PRKCA: variants seen among roughly 807,000 people sequenced by gnomAD.
PRKCA encodes the protein protein kinase C alpha, also known as protein kinase C alpha type.
Under a neutral mutation model 87.0 loss-of-function variants are expected in PRKCA, and 27 were observed. The observed-to-expected ratio is 0.31, with a 90% confidence interval of 0.23 to 0.43. The LOEUF is 0.43. PRKCA is among the 20% of genes least tolerant of loss of function. The pLI is 1.00. For synonymous variants in PRKCA, 329 were observed against 311.1 expected, an observed-to-expected ratio of 1.06 and a Z score of -0.61; for missense variants, 518 against 852.3, an observed-to-expected ratio of 0.61 and a Z score of 4.88.
intron 9 of PRKCA, among the ~76,000 whole-genome samples, chr17:66,734,400 G>A (rs1022132528): frequency 2.6e-5 from 4 of 152,228 alleles, no homozygotes; most frequent in African/African-American, 9.6e-5. Context: ...TCCCAGAACT[G>A]AGGCTTCCTC....
chr17:66,701,016 C>T (rs1175186055), intron 8 of PRKCA, among the ~76,000 whole-genome samples: 1 of 151,984 alleles, frequency 6.6e-6, no homozygotes, highest in Non-Finnish European at 1.5e-5. Context: ...GCAAGAAGGA[C>T]GGAGGTATCA....
In PRKCA at chr17:66,688,948, A is replaced by G. The variant is rs1671344420; in HGVS notation, c.822-3A>G. 1 of 1,578,072 alleles carries G rather than the reference A, an allele frequency of 6.3e-7. No individual in the cohort carries two copies. Among genetic ancestry groups the G allele is most frequent in the Non-Finnish European group, 8.7e-7 (1 of 1,149,590 alleles). On this transcript the variant is annotated splice_region_variant and splice_polypyrimidine_tract_variant and intron_variant, in intron 7 of 16. Transcript: ENST00000413366. ...GTAACTCTTCTTCTCCCGTCCTTGA[A>G]AGGTACAAGTTGCTTAACCAAGAAG...
intron 8 of PRKCA, among the ~76,000 whole-genome samples, chr17:66,701,517 C>T (rs956793762): frequency 1.3e-5 from 2 of 152,032 alleles, no homozygotes; most frequent in African/African-American, 2.4e-5. Context: ...TAAAAGGCAA[C>T]CTGTGGAATA....
chr17:66,580,209 G>C (rs1169879236), intron 3 of PRKCA, among the ~76,000 whole-genome samples: 1 of 152,206 alleles, frequency 6.6e-6, no homozygotes, highest in Non-Finnish European at 1.5e-5. Context: ...TGGAGTACTA[G>C]TGGTCTGTTA....
chr17:66,433,944 C>T (rs1913235554), intron 2 of PRKCA, among the ~76,000 whole-genome samples: 1 of 152,148 alleles, frequency 6.6e-6, no homozygotes, highest in Non-Finnish European at 1.5e-5. Context: ...CAGTCTTCCT[C>T]ATTAGTAGGC....
At chr17:66,620,482 C>G (rs1181090021) in intron 3 of PRKCA, among the ~76,000 whole-genome samples, 1 of 152,168 alleles carries the variant, frequency 6.6e-6, no homozygotes, top group African/African-American at 2.4e-5. Context: ...ATCTGACTGG[C>G]CAGAGCTATG....
At chr17:66,429,747 T>A (rs1458019174) in intron 2 of PRKCA, among the ~76,000 whole-genome samples, 3 of 152,184 alleles carry the variant, frequency 2.0e-5, no homozygotes, top group African/African-American at 7.2e-5. Context: ...CTGCAAAATT[T>A]AGGCAAAGGT....
chr17:66,440,910 C>T (rs748326186), intron 2 of PRKCA, among the ~76,000 whole-genome samples: 1 of 151,974 alleles, frequency 6.6e-6, no homozygotes, highest in Non-Finnish European at 1.5e-5. Flanking sequence ...TGCCTGTAAT[C>T]CCAGCATTTT....
intron 1 of PRKCA, 34 bp downstream of exon 1, chr17:66,303,058 C>T (rs753809448): frequency 3.3e-5 from 52 of 1,583,310 alleles, no homozygotes; most frequent in Non-Finnish European, 4.3e-5. Context: ...TGCCCCGCTC[C>T]TCCCCGCCTC....
At chr17:66,629,352 G>A (rs954235730) in intron 3 of PRKCA, among the ~76,000 whole-genome samples, 2 of 152,168 alleles carry the variant, frequency 1.3e-5, no homozygotes, top group African/African-American at 2.4e-5. Flanking sequence ...AGTCATGTTA[G>A]CTCCCTACTA....
At chr17:66,475,844 C>T (rs1023121523) in intron 2 of PRKCA, among the ~76,000 whole-genome samples, 4 of 152,106 alleles carry the variant, frequency 2.6e-5, no homozygotes, top group African/African-American at 9.7e-5. Flanking sequence ...ATTTTCCTCC[C>T]TAATTGTGAG....
At chr17:66,698,276 A>T (rs1407714937) in intron 8 of PRKCA, among the ~76,000 whole-genome samples, 1 of 152,236 alleles carries the variant, frequency 6.6e-6, no homozygotes, top group African/African-American at 2.4e-5. Context: ...CAACTACTAA[A>T]AAATGGAGAT....
At chr17:66,724,661 G>A (rs1477122758) in intron 8 of PRKCA, among the ~76,000 whole-genome samples, 2 of 152,350 alleles carry the variant, frequency 1.3e-5, no homozygotes, top group East Asian at 3.9e-4. Context: ...CCCCAGCAGG[G>A]CGTCTGGCCA....
chr17:66,786,754 G>C (rs1452908775), intron 14 of PRKCA, 113 bp from the exon 15 acceptor site: 2 of 713,268 alleles, frequency 2.8e-6, no homozygotes, highest in Admixed American at 5.0e-5. Flanking sequence ...TGCAGCCTGT[G>C]GTGGGGCTGA....
intron 2 of PRKCA, among the ~76,000 whole-genome samples, chr17:66,411,620 G>A (rs1447231059): frequency 6.6e-6 from 1 of 152,096 alleles, no homozygotes; most frequent in African/African-American, 2.4e-5. Flanking sequence ...TGCTTTTGTT[G>A]TTTTCACTGT....
At chr17:66,349,839 C>T (rs4435295) in intron 2 of PRKCA, among the ~76,000 whole-genome samples, 19,628 of 151,894 alleles carry the variant, frequency 0.13, 1,569 homozygotes, top group East Asian at 0.28. Flanking sequence ...TTAGGGCCTT[C>T]GTTAATGTCT....
intron 8 of PRKCA, among the ~76,000 whole-genome samples, chr17:66,719,572 G>T (rs1418514837): frequency 6.6e-6 from 1 of 152,194 alleles, no homozygotes; most frequent in Non-Finnish European, 1.5e-5. Context: ...CTCGAGACCA[G>T]CCTGGCCAAC....
intron 3 of PRKCA, among the ~76,000 whole-genome samples, chr17:66,502,773 G>C (rs9890584): frequency 6.6e-6 from 1 of 152,012 alleles, no homozygotes; most frequent in Admixed American, 6.6e-5. Context: ...TCCTGCCTTA[G>C]CCTCCCAAGT....
At chr17:66,562,700 G>A (rs894088235) in intron 3 of PRKCA, among the ~76,000 whole-genome samples, 2 of 151,978 alleles carry the variant, frequency 1.3e-5, no homozygotes, top group Admixed American at 6.6e-5. Flanking sequence ...GGGTTCAAGC[G>A]ATTCTTCTGC....
Sources: gnomAD v4.1 joint callset for allele counts (sites outside exome capture counted in the v4.1 genomes callset) on GRCh38, gnomAD v4.1.1 for gene constraint, MANE v1.5 for transcripts, NCBI Gene and HGNC (gene_info 2026-07-23, HGNC 2026-07-21) for gene names.